Variants in ZC3H13 observed in about 807,000 individuals in gnomAD.
The protein encoded by ZC3H13 is zinc finger CCCH domain-containing protein 13.
Under a neutral mutation model 204.1 loss-of-function variants are expected in ZC3H13, and 64 were observed. The observed-to-expected ratio is 0.31, with a 90% CI of 0.26 to 0.39. The LOEUF (loss-of-function observed/expected upper bound fraction) is 0.39. Among genes scored for constraint, ZC3H13 ranks in the 10% least tolerant of loss-of-function variants. The probability of loss-of-function intolerance (pLI) is 1.00; values close to 1 mark genes in which losing one functional copy is unlikely to be tolerated. For missense variants in ZC3H13, 1,833 were observed against 2,082.7 expected (o/e 0.88, Z 2.33); for synonymous variants, 667 against 693.7 (o/e 0.96, Z 0.60).
chr13:45,960,565 G>A (rs906438892), intron 17 of ZC3H13, among the ~76,000 whole-genome samples: 6 of 152,100 alleles, frequency 3.9e-5, no homozygotes, highest in Non-Finnish European at 8.8e-5. Context: ...ATGCAAGGTA[G>A]GGGAGAAAAC....
Position 45,985,393 on chromosome 13 carries a change from C to T in ZC3H13, c.1624G>A (p.Glu542Lys). The T allele has an allele frequency of 6.2e-7, 1 of 1,614,182 alleles. No homozygotes were observed. The highest frequency in any genetic ancestry group is 8.5e-7 in the Non-Finnish European group (1 of 1,180,028). The change falls in exon 10 of 19, where the codon GAA (glutamate) becomes AAA (lysine). Residue 542 changes from glutamate (E) to lysine (K), a missense_variant. This residue lies in a region of ZC3H13 where 1,574 missense variants were observed against 1,757.2 expected (regional missense o/e 0.90). Transcript: ENST00000679008. The part of the protein sequence containing the change: ...NHLREESSRT[E>K]IRNESRNESR... ...TCATTTCTGGACTCATTCCTTATTT[C>T]CGTACGAGAACTTTCTTCTCTCAAA...
At chr13:46,003,029 T>C (rs1236380231) in intron 8 of ZC3H13, 110 bp downstream of exon 8, 3 of 993,672 alleles carry the variant, frequency 3.0e-6, no homozygotes, top group Non-Finnish European at 4.5e-6. Flanking sequence ...TACACACTAT[T>C]GTAAACAAAA....
At chr13:45,963,079 T>C in intron 17 of ZC3H13, 1 of 983,402 alleles carries the variant, frequency 1.0e-6, no homozygotes, top group South Asian at 4.7e-5. Flanking sequence ...CTGTTCTAAG[T>C]GTTTTGCCTG....
At chr13:46,040,083 T>C (rs1319336003) in intron 4 of ZC3H13, among the ~76,000 whole-genome samples, 1 of 152,178 alleles carries the variant, frequency 6.6e-6, no homozygotes, top group Non-Finnish European at 1.5e-5. Context: ...TTGGCATGTG[T>C]ATTTTGAAAA....
chr13:45,966,789 A>G (rs1178644028), intron 15 of ZC3H13, among the ~76,000 whole-genome samples: 1 of 152,200 alleles, frequency 6.6e-6, no homozygotes. Flanking sequence ...TCGAGAAAAT[A>G]ATGTATAAAT....
At chr13:46,020,206 A>G (rs1023405689) in intron 5 of ZC3H13, among the ~76,000 whole-genome samples, 2 of 152,158 alleles carry the variant, frequency 1.3e-5, no homozygotes, top group South Asian at 2.1e-4. Flanking sequence ...ATGCTGCACA[A>G]TAAAGTTCTA....
At chr13:45,966,314 AT>A (rs1460257739) in intron 15 of ZC3H13, among the ~76,000 whole-genome samples, 1 of 152,194 alleles carries the variant, frequency 6.6e-6, no homozygotes, top group African/African-American at 2.4e-5. Context: ...GTTTCTAGTC[AT>A]TCTAGTGATT....
chr13:45,999,467 T>C (rs754946705), intron 8 of ZC3H13, among the ~76,000 whole-genome samples: 42 of 152,224 alleles, frequency 2.8e-4, no homozygotes, highest in Non-Finnish European at 5.6e-4. Flanking sequence ...GAAACCACTT[T>C]CTTTGTTCAT....
At chr13:46,033,945 A>G (rs2043053907) in intron 4 of ZC3H13, among the ~76,000 whole-genome samples, 1 of 152,176 alleles carries the variant, frequency 6.6e-6, no homozygotes, top group Non-Finnish European at 1.5e-5. Context: ...GGTATACAGA[A>G]TATTACCAAT....
In ZC3H13 at chr13:45,969,280, C is replaced by T. The variant is rs3803194; in HGVS notation, c.3264G>A (p.Thr1088=). 1.1e-4 allele frequency: 180 copies of T among 1,613,850 alleles called. 1 individual carries two copies. The East Asian group carries it at 3.4e-3, about 30-fold the overall frequency. ...GAGGAGAAGGGGTACTACCAGGAGT[C>T]GTGGCGGTGGCAGTATGCTCTGCTT... ...VTEAEHTATA[T]TPGSTPSPLS... Residue 1088 remains threonine, a synonymous_variant, in exon 14 of 19, where the codon ACG becomes ACA. Coordinates refer to ENST00000679008, the MANE Select transcript of ZC3H13 (RefSeq NM_001330564.2).
intron 17 of ZC3H13, chr13:45,962,181 C>T (rs1951737980): frequency 1.0e-6 from 1 of 985,332 alleles, no homozygotes; most frequent in Non-Finnish European, 1.2e-6. Context: ...TTGGATATGG[C>T]AGTAAACAAG....
intron 10 of ZC3H13, among the ~76,000 whole-genome samples, chr13:45,980,963 G>A (rs1346170679): frequency 6.6e-6 from 1 of 152,188 alleles, no homozygotes; most frequent in Non-Finnish European, 1.5e-5. Context: ...TTGATACTAT[G>A]CTATAGATAA....
chr13:46,003,410 C>A, intron 7 of ZC3H13, 74 bp from the exon 8 acceptor site: 1 of 1,388,454 alleles, frequency 7.2e-7, no homozygotes, highest in Non-Finnish European at 9.9e-7. Context: ...TTCTTAAAAA[C>A]AGCAGCGTTC....
chr13:45,992,621 A>G (rs1047160640), intron 8 of ZC3H13, among the ~76,000 whole-genome samples: 4 of 152,206 alleles, frequency 2.6e-5, no homozygotes, highest in African/African-American at 9.7e-5. Context: ...AACTTCTGAC[A>G]TAACTGGGTT....
intron 1 of ZC3H13, 81 bp downstream of exon 1, chr13:46,052,323 G>T (rs867689203): frequency 1.1e-4 from 42 of 390,126 alleles, no homozygotes; most frequent in South Asian, 2.9e-4. Flanking sequence ...GCAAAGACGG[G>T]GGGGGGTAAC....
intron 12 of ZC3H13, among the ~76,000 whole-genome samples, chr13:45,971,129 C>T (rs1479099502): frequency 2.0e-5 from 3 of 152,138 alleles, no homozygotes; most frequent in Non-Finnish European, 4.4e-5. Context: ...CACTTTCTTG[C>T]TGACAAATTA....
At position 46,046,709 on chromosome 13, in the gene ZC3H13, T is replaced by C. The variant is rs150174405; in HGVS notation, c.-9-1193A>G. Among the ~76,000 whole-genome samples, 666 of 152,082 alleles carry C rather than the reference T, an allele frequency of 4.4e-3. 2 individuals carry two copies. Among genetic ancestry groups the C allele is most frequent in the Non-Finnish European group, 6.4e-3 (438 of 67,978 alleles). ...CTCTCTCTATATATATATATGTATG[T>C]AAATAAAACATTCAAAAACTGAAAC... On this transcript the variant is annotated intron_variant, in intron 1 of 18. Coordinates refer to ENST00000679008, the MANE Select transcript of ZC3H13 (RefSeq NM_001330564.2).
rs111921210 is a variant in ZC3H13 at position 46,024,610 on chromosome 13, G to A, written c.340-4053C>T. On this transcript the variant is annotated intron_variant, in intron 4 of 18. Coordinates refer to ENST00000679008, the MANE Select transcript of ZC3H13 (RefSeq NM_001330564.2). ...TTCTCTATGTCTCTGATGCTTTGCAGTTTCATTATAATATTCTATCTCTCA... is the reference window on the plus strand; with the variant it reads ...TTCTCTATGTCTCTGATGCTTTGCAATTTCATTATAATATTCTATCTCTCA... Among the ~76,000 whole-genome samples the A allele has an allele frequency of 1.3e-4, 20 of 151,672 alleles. 1 individual carries two copies. The highest frequency in any genetic ancestry group is 4.8e-4 in the African/African-American group (20 of 41,330).
chr13:46,003,186 G>A lies in ZC3H13; in HGVS notation c.897C>T (p.Asp299=). ...RIEEKTRDGK[D]RGRDFERQRE... ...TTTGTCGTTCAAAATCTCGTCCTCT[G>A]TCCTTTCCATCTCTTGTTTTTTCTT... The change falls in exon 8 of 19, where the codon GAC becomes GAT. Residue 299 remains aspartate (D), a synonymous_variant. Transcript: ENST00000679008. 1 of 1,612,708 alleles carries A rather than the reference G, an allele frequency of 6.2e-7. No individual in the cohort carries two copies. The highest frequency in any genetic ancestry group is 8.5e-7 in the Non-Finnish European group (1 of 1,179,732).
Sources: gnomAD v4.1 joint callset for allele counts (sites outside exome capture counted in the v4.1 genomes callset) on GRCh38, gnomAD v4.1.1 for gene constraint, gnomAD v4.1.1 regional missense constraint, MANE v1.5 for transcripts, NCBI Gene and HGNC (gene_info 2026-07-23, HGNC 2026-07-21) for gene names.